NLRP13: variants seen among roughly 807,000 people sequenced by gnomAD.
NLRP13 encodes the protein NLR family pyrin domain containing 13, also known as NACHT, LRR and PYD domains-containing protein 13.
A neutral mutation model predicts 94.4 loss-of-function variants in NLRP13; 82 were observed. The ratio of observed to expected loss-of-function variants is 0.87; its 90% CI spans 0.73 to 1.04. The LOEUF is 1.04. NLRP13 is among the 50% of genes least tolerant of loss of function. The pLI, the probability that NLRP13 is intolerant of heterozygous loss-of-function variation, is 0.00. For synonymous variants in NLRP13, 553 were observed against 464.7 expected, an observed-to-expected ratio of 1.19 and a Z score of -2.45; for missense variants, 1,426 against 1,230.8, an observed-to-expected ratio of 1.16 and a Z score of -2.37.
At chr19:55,923,411 G>A (rs554178906) in intron 4 of NLRP13, among the ~76,000 whole-genome samples, 1 of 152,320 alleles carries the variant, frequency 6.6e-6, no homozygotes, top group East Asian at 1.9e-4. Context: ...CAAGTAGTAG[G>A]TACAGAAGAA....
Position 55,909,495 on chromosome 19 carries a change from T to C in NLRP13, c.2282+1068A>G, listed in dbSNP as rs372538157. On this transcript the variant is annotated intron_variant, in intron 6 of 10. Transcript: ENST00000342929. Reference sequence around the variant, plus strand: ...GCCTCCAAGAGGAAAGACATACACATCAAATGCAGCAGTATGCTGATAAAT... The same window carrying C: ...GCCTCCAAGAGGAAAGACATACACACCAAATGCAGCAGTATGCTGATAAAT... Among the ~76,000 whole-genome samples, 14 of 150,804 alleles carry C rather than the reference T, an allele frequency of 9.3e-5. No homozygotes were observed. In the East Asian group the frequency reaches 2.7e-3, roughly 29 times the overall value.
Position 55,912,932 on chromosome 19 carries a change from G to A in NLRP13, c.885C>T (p.Pro295=), listed in dbSNP as rs566645087. The change falls in exon 5 of 11, where the codon CCC becomes CCT. Residue 295 remains proline (P), a synonymous_variant. Transcript: ENST00000342929. Reference sequence around the variant, plus strand: ...CTGGTTGAGACATGAACTCTTCAATGGGGGCATCAAAATCGGGCCAATCCA... The same window carrying A: ...CTGGTTGAGACATGAACTCTTCAATAGGGGCATCAAAATCGGGCCAATCCA... ...ISLDWPDFDA[P]IEEFMSQPEK... 1.9e-6 allele frequency: 3 copies of A among 1,614,040 alleles called. No individual in the cohort carries two copies. Among genetic ancestry groups the A allele is most frequent in the South Asian group, 2.2e-5 (2 of 91,074 alleles).
downstream of NLRP13, chr19:55,895,912 G>T (rs767827101): frequency 2.6e-5 from 41 of 1,604,488 alleles, no homozygotes; most frequent in Non-Finnish European, 3.0e-5. Flanking sequence ...CCTTGTCCCT[G>T]TATGTTCTCC....
intron 1 of NLRP13, among the ~76,000 whole-genome samples, chr19:55,930,241 G>A (rs1046033390): frequency 7.2e-5 from 11 of 152,348 alleles, no homozygotes; most frequent in African/African-American, 2.6e-4. Context: ...TCATGTCCCA[G>A]CTCTCCTGGT....
At chr19:55,891,695 T>G (rs1213764619), downstream of NLRP13, 1 of 176,866 alleles carries the variant, frequency 5.7e-6, no homozygotes, top group Non-Finnish European at 1.2e-5. Context: ...TGAGGTATTT[T>G]TATATGCTTT....
chr19:55,895,309 A>G (rs1006841265), downstream of NLRP13, among the ~76,000 whole-genome samples: 34 of 152,004 alleles, frequency 2.2e-4, no homozygotes, highest in African/African-American at 8.0e-4. Context: ...TTGAACCAGG[A>G]TGGGGAGGTT....
rs1228207428 is a variant in NLRP13 at position 55,902,153 on chromosome 19, G to C, written c.2671C>G (p.Leu891Val). The C allele has an allele frequency of 6.2e-7, 1 of 1,614,074 alleles. No individual in the cohort carries two copies. The highest frequency in any genetic ancestry group is 8.5e-7 in the Non-Finnish European group (1 of 1,179,970). ...APACKHLSDA[L>V]LQNRSLTHLN... ...TGTGTCAGGCTCCTGTTCTGCAGGA[G>C]AGCATCTGACAAGTGCTTGCAAGCG... is the stretch of plus-strand genomic sequence containing the variant. Residue 891 changes from leucine (L) to valine (V), a missense_variant, in exon 9 of 11, where the codon CTC becomes GTC. Coordinates refer to ENST00000342929, the MANE Select transcript of NLRP13 (RefSeq NM_176810.2).
chr19:55,892,467 G>A (rs942637209), downstream of NLRP13, among the ~76,000 whole-genome samples: 1 of 152,060 alleles, frequency 6.6e-6, no homozygotes, highest in Non-Finnish European at 1.5e-5. Flanking sequence ...TGTCACCCAG[G>A]CTGGAGTGCA....
At chr19:55,913,604 A>T (rs532314273) in intron 4 of NLRP13, among the ~76,000 whole-genome samples, 2 of 150,112 alleles carry the variant, frequency 1.3e-5, no homozygotes, top group East Asian at 4.0e-4. Flanking sequence ...AAATAATTTG[A>T]TGATATATAC....
At chr19:55,923,022 T>G (rs1326544103) in intron 4 of NLRP13, among the ~76,000 whole-genome samples, 1 of 152,236 alleles carries the variant, frequency 6.6e-6, no homozygotes, top group Middle Eastern at 3.2e-3. Context: ...TTGGGGCTTG[T>G]ATACATGCAC....
intron 7 of NLRP13, among the ~76,000 whole-genome samples, chr19:55,906,263 A>G (rs1263681387): frequency 2.2e-5 from 3 of 134,350 alleles, no homozygotes; most frequent in Non-Finnish European, 4.6e-5. Context: ...GCTTGAACCC[A>G]GGAGGTGGAG....
At position 55,910,551 on chromosome 19, in the gene NLRP13, T is replaced by C. The variant is rs1568693015; in HGVS notation, c.2282+12A>G. 1.3e-6 allele frequency: 2 copies of C among 1,579,632 alleles called. No homozygotes were observed. The highest frequency in any genetic ancestry group is 3.5e-5 in the Admixed American group (2 of 57,618). On this transcript the variant is annotated intron_variant, in intron 6 of 10. Transcript: ENST00000342929. ...AGGGTATCTTCTTGAGCTGCTGGCG[T>C]CTCACACTTACGTCAGTTTCTGGAC...
Position 55,905,083 on chromosome 19 carries a change from C to T in NLRP13, c.2477G>A (p.Ser826Asn). The change falls in exon 8 of 11, where the codon AGC becomes AAC. Residue 826 changes from serine (S) to asparagine (N), a missense_variant. Transcript: ENST00000342929. The part of the protein sequence containing the change: ...CLEKCNLSAA[S>N]CQDLALFLTS... ...GAGAAACAAGGCTAGGTCCTGACAG[C>T]TGGCTGCCGACAAGTTGCATTTCTC... is the stretch of plus-strand genomic sequence containing the variant. The T allele has an allele frequency of 6.2e-7, 1 of 1,613,722 alleles. No homozygotes were observed. The highest frequency in any genetic ancestry group is 8.5e-7 in the Non-Finnish European group (1 of 1,179,898).
At chr19:55,910,767 C>G in intron 5 of NLRP13, 34 bp from the exon 6 acceptor site, 1 of 1,546,354 alleles carries the variant, frequency 6.5e-7, no homozygotes, top group Non-Finnish European at 8.8e-7. Context: ...CGGATAAGAG[C>G]AAATTAGCCT....
intron 10 of NLRP13, among the ~76,000 whole-genome samples, chr19:55,897,848 T>G (rs1424821222): frequency 6.6e-6 from 1 of 152,194 alleles, no homozygotes; most frequent in African/African-American, 2.4e-5. Flanking sequence ...AGTCGGTTCA[T>G]TTGATACTAA....
downstream of NLRP13, among the ~76,000 whole-genome samples, chr19:55,893,424 A>C (rs1331646216): frequency 3.9e-5 from 6 of 152,294 alleles, no homozygotes; most frequent in Admixed American, 3.3e-4. Flanking sequence ...TTACTTTAAA[A>C]CCACTGCATT....
chr19:55,925,434 C>T (rs1356704539), intron 1 of NLRP13, among the ~76,000 whole-genome samples: 1 of 152,198 alleles, frequency 6.6e-6, no homozygotes, highest in African/African-American at 2.4e-5. Flanking sequence ...GCACTTGTCA[C>T]CTTTTAACAC....
At chr19:55,905,248 A>C in intron 7 of NLRP13, 136 bp from the exon 8 acceptor site, 2 of 1,001,952 alleles carry the variant, frequency 2.0e-6, no homozygotes, top group Non-Finnish European at 2.8e-6. Context: ...AAGCTTAAAG[A>C]AGGAGAAAAA....
At chr19:55,925,980 T>C (rs1986957863) in intron 1 of NLRP13, among the ~76,000 whole-genome samples, 1 of 152,038 alleles carries the variant, frequency 6.6e-6, no homozygotes. Flanking sequence ...GTCCACATAT[T>C]TCAAGCTGAA....
Sources: allele counts gnomAD v4.1 joint callset (sites outside exome capture counted in the v4.1 genomes callset), GRCh38; gene constraint gnomAD v4.1.1; transcripts MANE v1.5; gene names NCBI Gene and HGNC (gene_info 2026-07-23, HGNC 2026-07-21).